The following RAB8B variants were observed in gnomAD, a reference collection of about 807,000 sequenced individuals.
RAB8B encodes the protein RAB8B, member RAS oncogene family, also known as ras-related protein Rab-8B.
RAB8B carries 11 observed loss-of-function variants against 32.0 expected under a neutral mutation model. That is an observed-to-expected ratio of 0.34 (90% CI 0.22 to 0.57). The LOEUF (loss-of-function observed/expected upper bound fraction) is 0.57, where lower values mean the gene tolerates loss of function less well. Among genes scored for constraint, RAB8B ranks in the 20% least tolerant of loss-of-function variants. RAB8B has a pLI of 0.86. For synonymous variants in RAB8B, 103 were observed against 89.6 expected, an observed-to-expected ratio of 1.15 and a Z score of -0.85; for missense variants, 190 against 258.5, an observed-to-expected ratio of 0.73 and a Z score of 1.82.
At chr15:63,197,365 C>CTT (rs2037610287) in intron 1 of RAB8B, among the ~76,000 whole-genome samples, 4 of 85,566 alleles carry the variant, frequency 4.7e-5, no homozygotes, top group African/African-American at 1.4e-4. Flanking sequence ...TTCTTTCTTT[C>CTT]TTTTCTTTTT....
chr15:63,243,946 G>A (rs1009052388), intron 1 of RAB8B, among the ~76,000 whole-genome samples: 1 of 152,138 alleles, frequency 6.6e-6, no homozygotes, highest in African/African-American at 2.4e-5. Context: ...GAAAATGTAG[G>A]AGGAGCAGGA....
intron 5 of RAB8B, among the ~76,000 whole-genome samples, chr15:63,256,958 T>G (rs543679020): frequency 6.6e-6 from 1 of 152,334 alleles, no homozygotes; most frequent in East Asian, 1.9e-4. Flanking sequence ...GTTATAGGGA[T>G]AGGTGAAGTT....
chr15:63,257,962 C>T (rs1466196176), intron 5 of RAB8B, among the ~76,000 whole-genome samples: 1 of 150,864 alleles, frequency 6.6e-6, no homozygotes, highest in Non-Finnish European at 1.5e-5. Context: ...ACTCAGGAGG[C>T]TGAGGCAGGA....
Position 63,251,234 on chromosome 15 carries a change from A to G in RAB8B, c.246+1529A>G. ...GACTGGAATCAAAGGGAAGGGGCTT[A>G]TTATATGTGCCAGGAAGACATTTGT... On this transcript the variant is annotated intron_variant, in intron 3 of 7. Coordinates refer to ENST00000321437, the MANE Select transcript of RAB8B (RefSeq NM_016530.3). 4 of 455,582 alleles carry G rather than the reference A, an allele frequency of 8.8e-6. 1 individual carries two copies. Among genetic ancestry groups the G allele is most frequent in the South Asian group, 4.7e-5 (3 of 64,462 alleles). The allele number at this position is 455,582 out of a possible 1,614,324, so 28.2% of individuals were successfully genotyped here.
intron 1 of RAB8B, among the ~76,000 whole-genome samples, chr15:63,212,667 T>C (rs991412710): frequency 2.0e-5 from 3 of 152,186 alleles, no homozygotes; most frequent in African/African-American, 7.2e-5. Flanking sequence ...TACAAAATTT[T>C]TGTACGTGAT....
chr15:63,222,974 C>T (rs1306757472), intron 1 of RAB8B: 1 of 449,794 alleles, frequency 2.2e-6, no homozygotes, highest in Non-Finnish European at 4.4e-6. Context: ...TTTATAGAGT[C>T]TACAGTAGTG....
At chr15:63,208,562 T>C (rs969575788) in intron 1 of RAB8B, among the ~76,000 whole-genome samples, 2 of 152,176 alleles carry the variant, frequency 1.3e-5, no homozygotes, top group African/African-American at 4.8e-5. Context: ...ACCACCACCT[T>C]TTATTCTCGC....
chr15:63,220,092 T>A (rs1419861300), intron 1 of RAB8B, among the ~76,000 whole-genome samples: 2 of 152,216 alleles, frequency 1.3e-5, no homozygotes, highest in African/African-American at 4.8e-5. Flanking sequence ...TCCCCCCACT[T>A]CAGTGTTAGC....
At chr15:63,210,995 A>G (rs2037742514) in intron 1 of RAB8B, among the ~76,000 whole-genome samples, 1 of 152,236 alleles carries the variant, frequency 6.6e-6, no homozygotes. Context: ...CAACCTGAGG[A>G]AACCACTTTT....
chr15:63,247,487 G>A (rs1421314136), intron 2 of RAB8B, among the ~76,000 whole-genome samples: 1 of 152,182 alleles, frequency 6.6e-6, no homozygotes, highest in Non-Finnish European at 1.5e-5. Context: ...CTTGAACTCA[G>A]AAGCTCTTCT....
intron 1 of RAB8B, among the ~76,000 whole-genome samples, chr15:63,233,743 A>C: frequency 6.6e-6 from 1 of 152,242 alleles, no homozygotes. Flanking sequence ...AAACCACATA[A>C]CCCATATTCA....
intron 3 of RAB8B, among the ~76,000 whole-genome samples, chr15:63,252,341 A>G (rs989289876): frequency 1.3e-5 from 2 of 152,194 alleles, no homozygotes; most frequent in African/African-American, 2.4e-5. Flanking sequence ...AAAATGATCA[A>G]GCGTGGAAGA....
intron 6 of RAB8B, 26 bp from the exon 7 acceptor site, chr15:63,262,666 A>G: frequency 9.7e-7 from 1 of 1,032,306 alleles, no homozygotes; most frequent in Non-Finnish European, 1.3e-6. Context: ...ATATATAATA[A>G]TGAAAATGTT....
chr15:63,243,669 A>C (rs1567018564), intron 1 of RAB8B, among the ~76,000 whole-genome samples: 1 of 152,146 alleles, frequency 6.6e-6, no homozygotes, highest in Non-Finnish European at 1.5e-5. Context: ...TCCTTGACTA[A>C]TTAAGTCACA....
At chr15:63,210,644 G>A (rs2037739276) in intron 1 of RAB8B, among the ~76,000 whole-genome samples, 1 of 152,172 alleles carries the variant, frequency 6.6e-6, no homozygotes, top group Admixed American at 6.5e-5. Flanking sequence ...TGTGGGGAAC[G>A]TGGCAGGGTT....
intron 1 of RAB8B, among the ~76,000 whole-genome samples, chr15:63,221,300 C>A (rs976007653): frequency 6.6e-6 from 1 of 152,072 alleles, no homozygotes; most frequent in African/African-American, 2.4e-5. Context: ...AAAAAGGTAT[C>A]CAGTATCCTG....
intron 3 of RAB8B, among the ~76,000 whole-genome samples, chr15:63,253,216 T>C (rs990947732): frequency 9.2e-5 from 14 of 152,294 alleles, no homozygotes; most frequent in African/African-American, 1.9e-4. Flanking sequence ...AGGATACATA[T>C]ACTACAGGAA....
intron 1 of RAB8B, among the ~76,000 whole-genome samples, chr15:63,222,155 C>T (rs1309252544): frequency 6.6e-6 from 1 of 152,206 alleles, no homozygotes; most frequent in African/African-American, 2.4e-5. Flanking sequence ...GGTGGCTTCT[C>T]TAGCAGAGAC....
Position 63,226,086 on chromosome 15 carries a change from T to G in RAB8B, c.125-18670T>G, listed in dbSNP as rs8024871. The stretch of plus-strand genomic sequence containing the variant: ...AACTCCTGGGCTCAAGTGATCCTCT[T>G]GCCTATGCCTCCCAAAGTGCTGGGA... On this transcript the variant is annotated intron_variant, in intron 1 of 7. Transcript: ENST00000321437. Among the ~76,000 whole-genome samples, 96 of 152,110 alleles carry G rather than the reference T, an allele frequency of 6.3e-4. 1 individual carries two copies. Among genetic ancestry groups the G allele is most frequent in the South Asian group, 2.7e-3 (13 of 4,826 alleles).
Sources: gnomAD v4.1 joint callset for allele counts (sites outside exome capture counted in the v4.1 genomes callset) on GRCh38, gnomAD v4.1.1 for gene constraint, MANE v1.5 for transcripts, NCBI Gene and HGNC (gene_info 2026-07-23, HGNC 2026-07-21) for gene names.